LRRIQ1: variants seen among roughly 807,000 people sequenced by gnomAD.
LRRIQ1 encodes leucine rich repeats and IQ motif containing 1.
Under a neutral mutation model 211.9 loss-of-function variants are expected in LRRIQ1, and 210 were observed. That is an observed-to-expected ratio of 0.99 (90% confidence interval 0.89 to 1.11). The LOEUF is 1.11. Ranked by LOEUF, LRRIQ1 falls within the 50% of genes most tolerant of loss-of-function variation. The probability of loss-of-function intolerance (pLI) is 0.00; values close to 1 mark genes in which losing one functional copy is unlikely to be tolerated. For synonymous variants in LRRIQ1, 699 were observed against 650.1 expected, an observed-to-expected ratio of 1.08 and a Z score of -1.14; for missense variants, 2,136 against 1,939.5, an observed-to-expected ratio of 1.10 and a Z score of -1.90.
chr12:85,123,268 T>G (rs1888116645), intron 16 of LRRIQ1, among the ~76,000 whole-genome samples: 1 of 152,052 alleles, frequency 6.6e-6, no homozygotes, highest in South Asian at 2.1e-4. Context: ...GTGATTAACA[T>G]TTTATTTTTT....
intron 15 of LRRIQ1, among the ~76,000 whole-genome samples, chr12:85,107,957 A>G (rs1279349342): frequency 6.6e-6 from 1 of 152,148 alleles, no homozygotes; most frequent in African/African-American, 2.4e-5. Flanking sequence ...GAAAATAATA[A>G]TAGCTGTATT....
At chr12:85,158,689 T>C (rs1228065972) in intron 23 of LRRIQ1, among the ~76,000 whole-genome samples, 2 of 151,918 alleles carry the variant, frequency 1.3e-5, no homozygotes, top group Non-Finnish European at 2.9e-5. Flanking sequence ...TAATACCTAT[T>C]TCCCCAACAC....
At chr12:85,233,033 T>C (rs1895020614) in intron 26 of LRRIQ1, 1 of 320,872 alleles carries the variant, frequency 3.1e-6, no homozygotes, top group Non-Finnish European at 5.7e-6. Context: ...GATGGAAAAT[T>C]GAAACTTTTT....
chr12:85,204,322 A>T (rs1592967046), intron 24 of LRRIQ1, among the ~76,000 whole-genome samples: 1 of 152,310 alleles, frequency 6.6e-6, no homozygotes, highest in African/African-American at 2.4e-5. Flanking sequence ...CTAGGGCAGC[A>T]AGGAAGGGAA....
chr12:85,208,856 A>G (rs1893695254), intron 24 of LRRIQ1, among the ~76,000 whole-genome samples: 1 of 152,132 alleles, frequency 6.6e-6, no homozygotes, highest in Non-Finnish European at 1.5e-5. Flanking sequence ...TTTTCTTAGG[A>G]CTCACATGAC....
chr12:85,194,765 A>G (rs531588156), intron 24 of LRRIQ1, among the ~76,000 whole-genome samples: 9 of 152,296 alleles, frequency 5.9e-5, no homozygotes, highest in Admixed American at 3.9e-4. Context: ...TGAAAGAACT[A>G]GAAAAGCAAG....
intron 24 of LRRIQ1, among the ~76,000 whole-genome samples, chr12:85,180,146 A>T (rs1385658701): frequency 6.6e-6 from 1 of 151,926 alleles, no homozygotes; most frequent in African/African-American, 2.4e-5. Flanking sequence ...TCCCTGTCTC[A>T]ACCACCTCTG....
intron 24 of LRRIQ1, among the ~76,000 whole-genome samples, chr12:85,180,011 T>A (rs1462596739): frequency 6.6e-6 from 1 of 152,082 alleles, no homozygotes; most frequent in East Asian, 1.9e-4. Flanking sequence ...CATTTCTGAC[T>A]TAAAAAAATC....
chr12:85,214,590 A>C (rs1470489957), intron 24 of LRRIQ1, among the ~76,000 whole-genome samples: 2 of 152,108 alleles, frequency 1.3e-5, no homozygotes, highest in East Asian at 1.9e-4. Flanking sequence ...AGGCCCATAC[A>C]TATAATGTTT....
intron 18 of LRRIQ1, among the ~76,000 whole-genome samples, chr12:85,129,372 C>T (rs1888597902): frequency 6.6e-6 from 1 of 152,042 alleles, no homozygotes; most frequent in South Asian, 2.1e-4. Flanking sequence ...AGTAATTAAA[C>T]AAAATTTAGC....
chr12:85,187,887 A>G (rs1011650544), intron 24 of LRRIQ1, among the ~76,000 whole-genome samples: 5 of 152,046 alleles, frequency 3.3e-5, no homozygotes, highest in African/African-American at 1.2e-4. Context: ...TGCATTTGCA[A>G]AGCCTCCTAG....
chr12:85,044,888 C>A, intron 4 of LRRIQ1, 79 bp downstream of exon 4: 1 of 570,740 alleles, frequency 1.8e-6, no homozygotes, highest in Non-Finnish European at 3.0e-6. Context: ...TGATACTTCA[C>A]TGATTTTAAG....
At chr12:85,049,098 T>G (rs1005659699) in intron 6 of LRRIQ1, among the ~76,000 whole-genome samples, 4 of 152,212 alleles carry the variant, frequency 2.6e-5, no homozygotes, top group African/African-American at 9.7e-5. Flanking sequence ...CCTAAATATG[T>G]CCTTCATTAT....
In LRRIQ1 at chr12:85,098,518, A is replaced by T. The variant is rs993713370; in HGVS notation, c.3051A>T (p.Ile1017=). Residue 1017 remains isoleucine (I), a synonymous_variant, in exon 12 of 27, where the codon ATA becomes ATT. Transcript: ENST00000393217. Reference sequence around the variant, plus strand: ...TTGAAAATTGTGGATTGCTCCAAATATTGAAGTTACAGGGAAATTATCTGA... The same window carrying T: ...TTGAAAATTGTGGATTGCTCCAAATTTTGAAGTTACAGGGAAATTATCTGA... ...EGVENCGLLQ[I]LKLQGNYLSE... 31 of 1,609,250 alleles carry T rather than the reference A, an allele frequency of 1.9e-5. No individual in the cohort carries two copies. The highest frequency in any genetic ancestry group is 2.5e-5 in the Non-Finnish European group (30 of 1,178,138).
chr12:85,164,343 T>TTATTAGAGAAG (rs1891046084), intron 24 of LRRIQ1, among the ~76,000 whole-genome samples: 1 of 152,190 alleles, frequency 6.6e-6, no homozygotes, highest in African/African-American at 2.4e-5. Context: ...GTTTATTAGC[T>TTATTAGAGAAG]CTGTGACCTT....
intron 11 of LRRIQ1, among the ~76,000 whole-genome samples, chr12:85,083,116 G>T (rs1354345814): frequency 6.6e-6 from 1 of 152,132 alleles, no homozygotes; most frequent in Non-Finnish European, 1.5e-5. Context: ...GATGTTCCAG[G>T]TTTGTGTGGG....
chr12:85,058,350 A>G lies in LRRIQ1; in HGVS notation c.2391+1166A>G, dbSNP rs139456453. On this transcript the variant is annotated intron_variant, in intron 8 of 26. Coordinates refer to ENST00000393217, the MANE Select transcript of LRRIQ1 (RefSeq NM_001079910.2). ...CTCTTCTCCAATTTTTTCCTTGCGCATGTTATCTCTGGAATCATGTTTTAG... is the reference window on the plus strand; with the variant it reads ...CTCTTCTCCAATTTTTTCCTTGCGCGTGTTATCTCTGGAATCATGTTTTAG... 3.9e-5 allele frequency among the ~76,000 whole-genome samples: 6 copies of G among 152,090 alleles called. 1 individual carries two copies. The highest frequency in any genetic ancestry group is 1.3e-4 in the Admixed American group (2 of 15,242).
At position 85,076,877 on chromosome 12, in the gene LRRIQ1, G is replaced by A. The variant is rs189980583; in HGVS notation, c.2887+3779G>A. Among the ~76,000 whole-genome samples the A allele has an allele frequency of 4.4e-3, 671 of 151,908 alleles. 7 individuals carry two copies. The highest frequency in any genetic ancestry group is 0.027 in the Middle Eastern group (8 of 294). On this transcript the variant is annotated intron_variant, in intron 11 of 26. Transcript: ENST00000393217. ...AGTGTAAAGCTGAAAGGGATCTTAG[G>A]TATCTCGCCAGTCTAGGCTGCTTAG...
At chr12:85,250,840 T>C (rs1376038519) in intron 1 of LRRIQ1, among the ~76,000 whole-genome samples, 1 of 76,738 alleles carries the variant, frequency 1.3e-5, no homozygotes. Flanking sequence ...GATTATATAT[T>C]ATATTATATA....
Sources: allele counts gnomAD v4.1 joint callset (sites outside exome capture counted in the v4.1 genomes callset), GRCh38; gene constraint gnomAD v4.1.1; transcripts MANE v1.5; gene names NCBI Gene and HGNC (gene_info 2026-07-23, HGNC 2026-07-21).